ITGA2: variants seen among roughly 807,000 people sequenced by gnomAD.
The protein encoded by ITGA2 is integrin alpha-2.
In ITGA2, 101 loss-of-function variants were observed where a neutral mutation model predicts 146.3. That is an observed-to-expected ratio of 0.69 (90% CI 0.59 to 0.81). The LOEUF (loss-of-function observed/expected upper bound fraction) is 0.81, where lower values mean the gene tolerates loss of function less well. ITGA2 is among the 40% of genes least tolerant of loss of function. ITGA2 has a pLI of 0.00. For missense variants in ITGA2, 1,281 were observed against 1,402.7 expected (o/e 0.91, Z 1.39); for synonymous variants, 477 against 487.1 (o/e 0.98, Z 0.27).
In ITGA2 at chr5:53,070,454, G is replaced by A. The variant is rs3212567; in HGVS notation, c.2235+194G>A. ...TGGTCACAATCTATTATATAAGTCA[G>A]CAACATCAAATTTCATTTAGAATTG... On this transcript the variant is annotated intron_variant, in intron 17 of 29. Transcript: ENST00000296585. 0.11 allele frequency among the ~76,000 whole-genome samples: 16,946 copies of A among 151,834 alleles called. 1,144 individuals are homozygous for A. Among genetic ancestry groups the A allele is most frequent in the African/African-American group, 0.19 (7,698 of 41,426 alleles).
In ITGA2 at chr5:53,000,250, T is replaced by C. The variant is rs1367287913; in HGVS notation, c.64+10718T>C. On this transcript the variant is annotated intron_variant, in intron 1 of 29. Transcript: ENST00000296585. ...TTCATCACCAGATTGCTAAGAGATT[T>C]TTTAAAGTGACAATTGAGTATTAAT... 3.3e-5 allele frequency among the ~76,000 whole-genome samples: 5 copies of C among 152,338 alleles called. No homozygotes were observed. In the East Asian group the frequency reaches 9.6e-4, roughly 29 times the overall value.
chr5:53,005,920 T>G (rs554302337), intron 1 of ITGA2, among the ~76,000 whole-genome samples: 9 of 152,152 alleles, frequency 5.9e-5, no homozygotes, highest in Admixed American at 3.9e-4. Context: ...TAAATGGACC[T>G]TTCAGCTTAA....
intron 28 of ITGA2, among the ~76,000 whole-genome samples, chr5:53,088,150 G>A (rs745971422): frequency 1.6e-4 from 24 of 152,114 alleles, no homozygotes; most frequent in Non-Finnish European, 2.6e-4. Context: ...CTTAGCATAG[G>A]GGAGAAGTAT....
intron 1 of ITGA2, among the ~76,000 whole-genome samples, chr5:52,999,026 T>C (rs460741): frequency 0.1 from 15,989 of 152,286 alleles, 1,087 homozygotes; most frequent in East Asian, 0.18. Flanking sequence ...TTTTTCCTTT[T>C]TCATAACATG....
chr5:53,034,406 TCA>T (rs1491111369), intron 2 of ITGA2, among the ~76,000 whole-genome samples: 1 of 119,286 alleles, frequency 8.4e-6, no homozygotes, highest in Non-Finnish European at 1.8e-5. Flanking sequence ...AGACTCCAAC[TCA>T]AAAAAAAAAA....
intron 10 of ITGA2, among the ~76,000 whole-genome samples, chr5:53,059,387 G>A (rs1744798153): frequency 6.6e-6 from 1 of 151,884 alleles, no homozygotes; most frequent in Non-Finnish European, 1.5e-5. Flanking sequence ...AAGTAGAACA[G>A]GTCAGAAGAG....
rs142366729 is a variant in ITGA2 at position 53,062,010 on chromosome 5, G to C, written c.1459-776G>C. On this transcript the variant is annotated intron_variant, in intron 12 of 29. Coordinates refer to ENST00000296585, the MANE Select transcript of ITGA2 (RefSeq NM_002203.4). ...GTGTTATGGAAGGAATCATTTCTTA[G>C]TCATTTCTAAATCCTCAAAAAGTGT... Among the ~76,000 whole-genome samples the C allele has an allele frequency of 1.9e-3, 293 of 151,910 alleles. 1 individual carries two copies. Among genetic ancestry groups the C allele is most frequent in the African/African-American group, 6.9e-3 (285 of 41,482 alleles).
rs774802434 is a variant in ITGA2 at position 53,058,006 on chromosome 5, T to A, written c.1097-19T>A. 9.4e-6 allele frequency: 15 copies of A among 1,596,002 alleles called. No homozygotes were observed. Among genetic ancestry groups the A allele is most frequent in the Non-Finnish European group, 1.3e-5 (15 of 1,164,328 alleles). Reference sequence around the variant, plus strand: ...AAAATTACTGACAGTAATACAATTTTTAAAATTGAATGTTCCAGGTACTGT... The same window carrying A: ...AAAATTACTGACAGTAATACAATTTATAAAATTGAATGTTCCAGGTACTGT... On this transcript the variant is annotated intron_variant, in intron 9 of 29. Coordinates refer to ENST00000296585, the MANE Select transcript of ITGA2 (RefSeq NM_002203.4).
Position 53,090,030 on chromosome 5 carries a change from T to C in ITGA2, c.3433T>C (p.Leu1145=). ...IIGSIIAGIL[L]LLALVAILWK... ...AGGAAGTATAATTGCTGGAATCCTT[T>C]TGCTGTTAGCTCTGGTTGCAATTTT... Residue 1145 remains leucine, a synonymous_variant, in exon 29 of 30, where the codon TTG becomes CTG. Coordinates refer to ENST00000296585, the MANE Select transcript of ITGA2 (RefSeq NM_002203.4). 1 of 1,612,748 alleles carries C rather than the reference T, an allele frequency of 6.2e-7. No homozygotes were observed. The highest frequency in any genetic ancestry group is 8.5e-7 in the Non-Finnish European group (1 of 1,178,754).
intron 1 of ITGA2, among the ~76,000 whole-genome samples, chr5:53,018,895 C>A (rs1470139024): frequency 1.3e-5 from 2 of 152,018 alleles, no homozygotes; most frequent in African/African-American, 4.8e-5. Flanking sequence ...GAAACCCTAT[C>A]TCTACTAAAA....
rs777083002 is a variant in ITGA2, at chr5:53,061,065, C to A, written c.1458+19C>A. On this transcript the variant is annotated intron_variant, in intron 12 of 29. Coordinates refer to ENST00000296585, the MANE Select transcript of ITGA2 (RefSeq NM_002203.4). ...TGACCAGGTAAATCTCACTGTTTAG[C>A]AGGTGAAATTAATTTTAGGGGCAAC... 4 of 1,611,258 alleles carry A rather than the reference C, an allele frequency of 2.5e-6. No homozygotes were observed. The Admixed American group carries it at 6.7e-5, about 27-fold the overall frequency.
intron 20 of ITGA2, among the ~76,000 whole-genome samples, chr5:53,073,912 C>T (rs919641743): frequency 4.1e-5 from 6 of 145,358 alleles, no homozygotes; most frequent in Admixed American, 7.0e-5. Context: ...GCAACTACTT[C>T]CTTTAAAGGG....
chr5:53,045,315 A>G (rs1217600970), intron 4 of ITGA2, among the ~76,000 whole-genome samples: 5 of 152,236 alleles, frequency 3.3e-5, no homozygotes, highest in African/African-American at 7.2e-5. Context: ...GTTTTGAAGA[A>G]AAGGGAACAA....
intron 13 of ITGA2, 21 bp downstream of exon 13, chr5:53,062,950 T>A: frequency 1.9e-6 from 3 of 1,551,506 alleles, no homozygotes; most frequent in Non-Finnish European, 2.7e-6. Flanking sequence ...AAAAATAAAC[T>A]AATAGTTTAA....
intron 24 of ITGA2, among the ~76,000 whole-genome samples, chr5:53,079,974 G>A (rs912981225): frequency 6.6e-6 from 1 of 152,128 alleles, no homozygotes; most frequent in East Asian, 1.9e-4. Flanking sequence ...CCAGTGCCCT[G>A]TGCCAGCACA....
chr5:53,044,136 G>A (rs995601789), intron 3 of ITGA2, among the ~76,000 whole-genome samples: 11 of 151,666 alleles, frequency 7.3e-5, no homozygotes, highest in African/African-American at 2.7e-4. Flanking sequence ...TTATCCAGGT[G>A]TGGTGGTGTG....
chr5:53,025,306 A>G (rs1742887181), intron 1 of ITGA2, among the ~76,000 whole-genome samples: 1 of 152,232 alleles, frequency 6.6e-6, no homozygotes. Flanking sequence ...TTATTCAAAA[A>G]TAAAAAGGAG....
chr5:53,017,040 C>T (rs1742429249), intron 1 of ITGA2, among the ~76,000 whole-genome samples: 1 of 152,142 alleles, frequency 6.6e-6, no homozygotes, highest in Non-Finnish European at 1.5e-5. Flanking sequence ...TCTCCTGAAC[C>T]TTGATGATCT....
rs148309070 is a variant in ITGA2 at position 53,005,021 on chromosome 5, T to C, written c.64+15489T>C. 3.8e-4 allele frequency among the ~76,000 whole-genome samples: 56 copies of C among 145,764 alleles called. No individual in the cohort carries two copies. The East Asian group carries it at 0.012, about 30-fold the overall frequency. ...TGGAAAATGAGATTTCCTGTGGTGA[T>C]GTATGTGTTCAAAAGATCTAATGTG... is the stretch of plus-strand genomic sequence containing the variant. On this transcript the variant is annotated intron_variant, in intron 1 of 29. Coordinates refer to ENST00000296585, the MANE Select transcript of ITGA2 (RefSeq NM_002203.4).
Sources: allele counts gnomAD v4.1 joint callset (sites outside exome capture counted in the v4.1 genomes callset), GRCh38; gene constraint gnomAD v4.1.1; transcripts MANE v1.5; gene names NCBI Gene and HGNC (gene_info 2026-07-23, HGNC 2026-07-21).